DERL1: variants seen among roughly 807,000 people sequenced by gnomAD.
DERL1 encodes derlin 1.
DERL1 carries 24 observed loss-of-function variants against 41.6 expected under a neutral mutation model. The observed-to-expected ratio is 0.58, with a 90% CI of 0.42 to 0.81. The LOEUF is 0.81. Ranked by LOEUF, DERL1 falls within the 30% of genes least tolerant of loss-of-function variation. DERL1 has a pLI of 0.00. For synonymous variants in DERL1, 124 were observed against 112.5 expected, an observed-to-expected ratio of 1.10 and a Z score of -0.65; for missense variants, 260 against 314.3, an observed-to-expected ratio of 0.83 and a Z score of 1.31.
chr8:123,040,496 T>C (rs1035808598), intron 1 of DERL1, among the ~76,000 whole-genome samples: 2 of 152,084 alleles, frequency 1.3e-5, no homozygotes, highest in African/African-American at 4.8e-5. Flanking sequence ...TGGAGAGTAG[T>C]AGGAGATGAG....
At chr8:123,031,989 T>C (rs1037224167) in intron 1 of DERL1, among the ~76,000 whole-genome samples, 4 of 152,196 alleles carry the variant, frequency 2.6e-5, no homozygotes, top group African/African-American at 9.7e-5. Flanking sequence ...ATGAATCCTG[T>C]CTTCTCTCCA....
chr8:123,040,481 C>G (rs1813026859), intron 1 of DERL1, among the ~76,000 whole-genome samples: 1 of 152,162 alleles, frequency 6.6e-6, no homozygotes, highest in African/African-American at 2.4e-5. Flanking sequence ...GCCTAAGGTA[C>G]AAGTTGGAGA....
At chr8:123,036,338 T>A (rs928711307) in intron 1 of DERL1, among the ~76,000 whole-genome samples, 2 of 152,154 alleles carry the variant, frequency 1.3e-5, no homozygotes, top group African/African-American at 4.8e-5. Context: ...TCTCATAATG[T>A]TGATAAAAGC....
rs546196023 is a variant in DERL1 at position 123,024,252 on chromosome 8, A to C, written c.331-513T>G. Among the ~76,000 whole-genome samples the C allele has an allele frequency of 3.9e-5, 6 of 152,308 alleles. No homozygotes were observed. The South Asian group carries it at 1.0e-3, about 26-fold the overall frequency. ...AGCCTTTGAAGGAAATAATCATTCT[A>C]CTTACATTCTCAGGACTCTATAGCA... On this transcript the variant is annotated intron_variant, in intron 3 of 7. Transcript: ENST00000259512.
chr8:123,023,498 T>G (rs1351553068), intron 4 of DERL1, among the ~76,000 whole-genome samples: 2 of 152,058 alleles, frequency 1.3e-5, no homozygotes, highest in African/African-American at 4.8e-5. Flanking sequence ...GAGGTTGCAG[T>G]GAGCCAAGAT....
intron 2 of DERL1, 186 bp downstream of exon 2, chr8:123,030,419 T>A (rs904750832): frequency 2.6e-5 from 13 of 491,736 alleles, no homozygotes; most frequent in African/African-American, 2.5e-4. Flanking sequence ...TACCTCAGGA[T>A]GTTGTGAGGA....
At chr8:123,017,856 G>A (rs954196299) in intron 7 of DERL1, 1 of 152,112 alleles carries the variant, frequency 6.6e-6, no homozygotes, top group Non-Finnish European at 1.5e-5. Context: ...AGCCAAACCT[G>A]CTGTTATTAT....
At chr8:123,017,720 T>C (rs1301625574) in intron 7 of DERL1, 1 of 152,126 alleles carries the variant, frequency 6.6e-6, no homozygotes, top group Non-Finnish European at 1.5e-5. Context: ...AACTGAGAAG[T>C]AGCTACAAGC....
chr8:123,020,213 C>T (rs1814724487), intron 6 of DERL1, among the ~76,000 whole-genome samples: 3 of 152,114 alleles, frequency 2.0e-5, no homozygotes, highest in Non-Finnish European at 2.9e-5. Flanking sequence ...GGTGCAGTGG[C>T]TCATGCCTGC....
chr8:123,036,126 T>C (rs905870604), intron 1 of DERL1, among the ~76,000 whole-genome samples: 5 of 152,314 alleles, frequency 3.3e-5, no homozygotes, highest in African/African-American at 9.6e-5. Flanking sequence ...CCTAGATATA[T>C]AGGCAACAGA....
At position 123,030,604 on chromosome 8, in the gene DERL1, C is replaced by A; in HGVS notation, c.265+1G>T. The A allele has an allele frequency of 6.4e-7, 1 of 1,562,678 alleles. No homozygotes were observed. Among genetic ancestry groups the A allele is most frequent in the Non-Finnish European group, 8.8e-7 (1 of 1,140,976 alleles). ...GCTTAAAACAACTATGGGTAACATA[C>A]CTGTTTCAAGTCGCGTAGAATACTG... On this transcript the variant is annotated splice_donor_variant, in intron 2 of 7. Coordinates refer to ENST00000259512, the MANE Select transcript of DERL1 (RefSeq NM_024295.6). LOFTEE classifies it high-confidence loss of function.
chr8:123,025,176 T>C, intron 2 of DERL1, 126 bp from the exon 3 acceptor site: 2 of 947,092 alleles, frequency 2.1e-6, no homozygotes, highest in Non-Finnish European at 3.1e-6. Context: ...ACCACTCCTC[T>C]CTAAAAAAGT....
intron 1 of DERL1, among the ~76,000 whole-genome samples, chr8:123,039,069 C>T (rs1812991165): frequency 6.6e-6 from 1 of 152,196 alleles, no homozygotes; most frequent in African/African-American, 2.4e-5. Flanking sequence ...CAGTCCTGCT[C>T]GCTTCACCCA....
rs906950653 is a variant in DERL1, at chr8:123,015,338, A to T, written c.*109T>A. The T allele has an allele frequency of 3.0e-6, 4 of 1,350,118 alleles. No individual in the cohort carries two copies. In the East Asian group the frequency reaches 9.9e-5, roughly 33 times the overall value. 83.6% of individuals were successfully genotyped at this position (1,350,118 alleles called of 1,614,324 possible). A position where few individuals can be genotyped will look rare whatever the true frequency, so the allele number is the denominator to read the frequency against. On this transcript the variant is annotated 3_prime_UTR_variant, in exon 8 of 8. Coordinates refer to ENST00000259512, the MANE Select transcript of DERL1 (RefSeq NM_024295.6). ...ACTTTGTCTCGTACTGAAAGACTAC[A>T]TTCAGTGTGGGTCAGGTCCAACAGT... is the stretch of plus-strand genomic sequence containing the variant.
At chr8:123,041,647 G>A (rs956197044) in intron 1 of DERL1, among the ~76,000 whole-genome samples, 1 of 152,194 alleles carries the variant, frequency 6.6e-6, no homozygotes, top group Non-Finnish European at 1.5e-5. Flanking sequence ...GGACCTAATC[G>A]CCAGCGTCCA....
rs982777963 is a variant in DERL1, at chr8:123,030,576, A to C, written c.265+29T>G. On this transcript the variant is annotated intron_variant, in intron 2 of 7. Coordinates refer to ENST00000259512, the MANE Select transcript of DERL1 (RefSeq NM_024295.6). ...ATGGATTAGTAAATGAGAAAGAAAC[A>C]ATGCTTAAAACAACTATGGGTAACA... The C allele has an allele frequency of 4.8e-6, 7 of 1,468,494 alleles. No homozygotes were observed. In the Admixed American group the frequency reaches 1.0e-4, roughly 21 times the overall value. The allele number at this position is 1,468,494 out of a possible 1,614,324, so 91.0% of individuals were successfully genotyped here.
chr8:123,014,825 G>A lies in DERL1; in HGVS notation c.*622C>T, dbSNP rs939151270. ...AAAAATATCTGAAGAAGTGGCAAAC[G>A]GTTACAACGGATGTCAGGTCGAAGC... On this transcript the variant is annotated 3_prime_UTR_variant, in exon 8 of 8. Transcript: ENST00000259512. 3 of 152,166 alleles carry A rather than the reference G, an allele frequency of 2.0e-5. No homozygotes were observed. The highest frequency in any genetic ancestry group is 1.9e-4 in the East Asian group (1 of 5,196). 9.4% of individuals were successfully genotyped at this position (152,166 alleles called of 1,614,324 possible). A position where few individuals can be genotyped will look rare whatever the true frequency, so the allele number is the denominator to read the frequency against.
At chr8:123,030,397 C>A in intron 2 of DERL1, 1 of 418,230 alleles carries the variant, frequency 2.4e-6, no homozygotes, top group Non-Finnish European at 4.2e-6. Flanking sequence ...AAAATGGTAA[C>A]ACTGCTACTT....
At position 123,015,472 on chromosome 8, in the gene DERL1, T is replaced by TG; in HGVS notation, c.730dup (p.Gln244ProfsTer45). 6.2e-7 allele frequency: 1 copy of TG among 1,613,478 alleles called. No homozygotes were observed. ...TCACTGGTCTCCAAGTCGAAAGCCC[T>TG]GGCCCCAGTTGTGTCTCCCGCCTCC... On this transcript the variant is annotated frameshift_variant, in exon 8 of 8. Transcript: ENST00000259512. LOFTEE classifies it high-confidence loss of function.
Sources: gnomAD v4.1 joint callset for allele counts (sites outside exome capture counted in the v4.1 genomes callset) on GRCh38, gnomAD v4.1.1 for gene constraint, MANE v1.5 for transcripts, NCBI Gene and HGNC (gene_info 2026-07-23, HGNC 2026-07-21) for gene names.